Variants in LDB2 observed in about 807,000 individuals in gnomAD.
LDB2 encodes the protein LIM domain-binding protein 2.
Under a neutral mutation model 44.3 loss-of-function variants are expected in LDB2, and 12 were observed. That is an observed-to-expected ratio of 0.27 (90% CI 0.17 to 0.44). The LOEUF (loss-of-function observed/expected upper bound fraction) is 0.44. Among genes scored for constraint, LDB2 ranks in the 20% least tolerant of loss-of-function variants. The pLI is 1.00. For synonymous variants in LDB2, 164 were observed against 174.8 expected, an observed-to-expected ratio of 0.94 and a Z score of 0.49; for missense variants, 344 against 473.5, an observed-to-expected ratio of 0.73 and a Z score of 2.54.
chr4:16,886,067 A>T lies in LDB2; in HGVS notation c.132+12287T>A, dbSNP rs548849540. Among the ~76,000 whole-genome samples, 29 of 151,274 alleles carry T rather than the reference A, an allele frequency of 1.9e-4. 1 individual carries two copies. In the South Asian group the frequency reaches 3.3e-3, roughly 17 times the overall value. ...TCTATCTCTACAATTTTTTTTTTTT[A>T]AATTAGTCTAGTGCAGTGTCATGTG... On this transcript the variant is annotated intron_variant, in intron 1 of 7. Transcript: ENST00000304523.
chr4:16,717,954 T>C (rs1367112693), intron 2 of LDB2, among the ~76,000 whole-genome samples: 2 of 152,192 alleles, frequency 1.3e-5, no homozygotes, highest in African/African-American at 2.4e-5. Context: ...TCAGAAGCTC[T>C]ATTTTTCAAT....
intron 1 of LDB2, among the ~76,000 whole-genome samples, chr4:16,814,165 C>T (rs1173772950): frequency 2.0e-5 from 3 of 152,164 alleles, no homozygotes; most frequent in Non-Finnish European, 2.9e-5. Flanking sequence ...CCACCGCACC[C>T]GGCCAGGGAT....
chr4:16,617,998 C>A (rs373938866), intron 2 of LDB2, among the ~76,000 whole-genome samples: 2 of 151,988 alleles, frequency 1.3e-5, no homozygotes, highest in African/African-American at 4.8e-5. Flanking sequence ...CTGGATAATT[C>A]TTTCTTTTTT....
In LDB2 at chr4:16,854,782, C is replaced by T. The variant is rs186772178; in HGVS notation, c.132+43572G>A. Among the ~76,000 whole-genome samples, 43 of 151,324 alleles carry T rather than the reference C, an allele frequency of 2.8e-4. No individual in the cohort carries two copies. In the East Asian group the frequency reaches 3.7e-3, roughly 13 times the overall value. Reference sequence around the variant, plus strand: ...AGGAGGAGAATTAAAGAGTGATATACGCTATATTAATGAACAACACATTTT... The same window carrying T: ...AGGAGGAGAATTAAAGAGTGATATATGCTATATTAATGAACAACACATTTT... On this transcript the variant is annotated intron_variant, in intron 1 of 7. Transcript: ENST00000304523.
chr4:16,838,714 C>A (rs1785336266), intron 1 of LDB2, among the ~76,000 whole-genome samples: 1 of 152,190 alleles, frequency 6.6e-6, no homozygotes, highest in African/African-American at 2.4e-5. Context: ...GCAGAGTAGG[C>A]AACTTCCAGT....
intron 1 of LDB2, among the ~76,000 whole-genome samples, chr4:16,877,282 G>T (rs1008847847): frequency 6.6e-6 from 1 of 152,134 alleles, no homozygotes; most frequent in Non-Finnish European, 1.5e-5. Flanking sequence ...TGTCTTAGTT[G>T]TCTTTGTGTC....
rs1261407041 is a variant in LDB2 at position 16,739,618 on chromosome 4, ACATGTGTG to A, written c.235+19532_235+19539del. ...TATATATATATATATATGTATATATACATGTGTGTGTATATATGTATATATACATATGT... is the reference window on the plus strand; with the variant it reads ...TATATATATATATATATGTATATATATGTATATATGTATATATACATATGT... On this transcript the variant is annotated intron_variant, in intron 2 of 7. Coordinates refer to ENST00000304523, the MANE Select transcript of LDB2 (RefSeq NM_001290.5). Among the ~76,000 whole-genome samples the A allele has an allele frequency of 2.1e-3, 159 of 74,078 alleles. 11 individuals carry two copies. In the East Asian group the frequency reaches 0.027, roughly 12 times the overall value. The allele number at this position is 74,078 out of a possible 152,430, so 48.6% of individuals were successfully genotyped here.
intron 2 of LDB2, among the ~76,000 whole-genome samples, chr4:16,664,611 T>C (rs149476796): frequency 0.013 from 1,974 of 152,302 alleles, 18 homozygotes; most frequent in Middle Eastern, 0.068. Context: ...AAAAAGACCG[T>C]CCAATAGCTT....
intron 2 of LDB2, among the ~76,000 whole-genome samples, chr4:16,709,659 T>C (rs1755429857): frequency 6.6e-6 from 1 of 152,208 alleles, no homozygotes; most frequent in Non-Finnish European, 1.5e-5. Context: ...AAATATTGAA[T>C]TTTTTGCCAA....
At chr4:16,600,065 G>A (rs187064608) in intron 2 of LDB2, among the ~76,000 whole-genome samples, 1 of 152,254 alleles carries the variant, frequency 6.6e-6, no homozygotes, top group Admixed American at 6.5e-5. Context: ...CTGAAGCTCT[G>A]AGATGAGCAT....
At chr4:16,814,480 C>A (rs369625979) in intron 1 of LDB2, among the ~76,000 whole-genome samples, 12 of 152,170 alleles carry the variant, frequency 7.9e-5, no homozygotes, top group Admixed American at 1.3e-4. Context: ...CCTATCTGCT[C>A]GTTCCCAACT....
At chr4:16,880,993 T>A (rs1465424045) in intron 1 of LDB2, among the ~76,000 whole-genome samples, 2 of 151,502 alleles carry the variant, frequency 1.3e-5, no homozygotes, top group Admixed American at 6.6e-5. Flanking sequence ...ACTCTCACAG[T>A]GGTGTGACCC....
rs1762799806 is a variant in LDB2 at position 16,739,708 on chromosome 4, ATATATGTATATATACATATATGTG to A, written c.235+19426_235+19449del. Among the ~76,000 whole-genome samples, 4 of 102,238 alleles carry A rather than the reference ATATATGTATATATACATATATGTG, an allele frequency of 3.9e-5. 1 individual carries two copies. Among genetic ancestry groups the A allele is most frequent in the African/African-American group, 1.5e-4 (4 of 26,592 alleles). 67.1% of individuals were successfully genotyped at this position (102,238 alleles called of 152,430 possible). ...TATATGTATATATACATATATGTGT[ATATATGTATATATACATATATGTG>A]TATATACATACATATACATATATAT... On this transcript the variant is annotated intron_variant, in intron 2 of 7. Transcript: ENST00000304523.
chr4:16,871,688 C>T (rs1427058165), intron 1 of LDB2, among the ~76,000 whole-genome samples: 1 of 148,964 alleles, frequency 6.7e-6, no homozygotes, highest in Non-Finnish European at 1.5e-5. Flanking sequence ...GGCACGATCT[C>T]AGCTCACTGC....
chr4:16,607,409 T>G (rs1724239937), intron 2 of LDB2, among the ~76,000 whole-genome samples: 1 of 152,242 alleles, frequency 6.6e-6, no homozygotes, highest in African/African-American at 2.4e-5. Flanking sequence ...CTTTGTATTC[T>G]TAAAGTGTTC....
chr4:16,893,428 T>C (rs1723986557), intron 1 of LDB2, among the ~76,000 whole-genome samples: 1 of 152,074 alleles, frequency 6.6e-6, no homozygotes, highest in Non-Finnish European at 1.5e-5. Context: ...AGCTATTCCA[T>C]GAATAAACAT....
In LDB2 at chr4:16,508,589, A is replaced by G. The variant is rs1407432376; in HGVS notation, c.837T>C (p.Thr279=). Residue 279 remains threonine (T), a synonymous_variant, in exon 7 of 8, where the codon ACT becomes ACC. Transcript: ENST00000304523. ...NSSAGNNANS[T]GSKKKTTAAN... ...CAGCTGTGGTCTTCTTCTTGCTGCC[A>G]GTGCTGTTTGCATTGTTCCCAGCGC... 4 of 1,613,128 alleles carry G rather than the reference A, an allele frequency of 2.5e-6. No homozygotes were observed. Among genetic ancestry groups the G allele is most frequent in the Middle Eastern group, 1.6e-4 (1 of 6,082 alleles).
chr4:16,821,652 G>A (rs978027091), intron 1 of LDB2, among the ~76,000 whole-genome samples: 3 of 146,214 alleles, frequency 2.1e-5, no homozygotes, highest in African/African-American at 5.0e-5. Context: ...GCCTCCCAAA[G>A]TGCTGGGATT....
chr4:16,788,196 G>A lies in LDB2; in HGVS notation c.133-28936C>T, dbSNP rs1451748341. Among the ~76,000 whole-genome samples, 6 of 152,260 alleles carry A rather than the reference G, an allele frequency of 3.9e-5. No individual in the cohort carries two copies. In the East Asian group the frequency reaches 9.7e-4, roughly 25 times the overall value. ...GCTTTCTCAATAGCCTTTCACCTAC[G>A]GCAAGAGTAGCTAAGAAGCTCCAGA... On this transcript the variant is annotated intron_variant, in intron 1 of 7. Transcript: ENST00000304523.
Sources: allele counts gnomAD v4.1 joint callset (sites outside exome capture counted in the v4.1 genomes callset), GRCh38; gene constraint gnomAD v4.1.1; transcripts MANE v1.5; gene names NCBI Gene and HGNC (gene_info 2026-07-23, HGNC 2026-07-21).